Variants in SGCD observed in about 807,000 individuals in gnomAD.
The protein encoded by SGCD is delta-sarcoglycan.
Under a neutral mutation model 36.6 loss-of-function variants are expected in SGCD, and 18 were observed. That is an observed-to-expected ratio of 0.49 (90% CI 0.34 to 0.73). SGCD has a LOEUF of 0.73. Ranked by LOEUF, SGCD falls within the 30% of genes least tolerant of loss-of-function variation. The probability of loss-of-function intolerance (pLI) is 0.01; values close to 1 mark genes in which losing one functional copy is unlikely to be tolerated. For missense variants in SGCD, 387 were observed against 346.7 expected, an observed-to-expected ratio of 1.12 and a Z score of -0.92; for synonymous variants, 133 against 130.6, an observed-to-expected ratio of 1.02 and a Z score of -0.12.
rs149713731 is a variant in SGCD at position 156,530,867 on chromosome 5, C to A, written c.294+22165C>A. Among the ~76,000 whole-genome samples, 676 of 151,488 alleles carry A rather than the reference C, an allele frequency of 4.5e-3. 1 individual carries two copies. The highest frequency in any genetic ancestry group is 0.016 in the African/African-American group (653 of 41,248). On this transcript the variant is annotated intron_variant, in intron 4 of 8. Transcript: ENST00000337851. Reference sequence around the variant, plus strand: ...TGCTGGGATTACAGGCGTGAGCCACCGTGTCTGGCCGCCATGCTTTATTTC... The same window carrying A: ...TGCTGGGATTACAGGCGTGAGCCACAGTGTCTGGCCGCCATGCTTTATTTC...
intron 1 of SGCD, among the ~76,000 whole-genome samples, chr5:155,988,820 G>A (rs1018384734): frequency 3.3e-5 from 5 of 152,178 alleles, no homozygotes; most frequent in Non-Finnish European, 5.9e-5. Context: ...AGACTTAAGT[G>A]AAACAATACA....
At chr5:156,479,805 C>T (rs761599391) in intron 3 of SGCD, among the ~76,000 whole-genome samples, 4 of 152,168 alleles carry the variant, frequency 2.6e-5, no homozygotes, top group Non-Finnish European at 4.4e-5. Context: ...GCATTGTTGA[C>T]ACAAATCACC....
intron 3 of SGCD, among the ~76,000 whole-genome samples, chr5:156,319,521 A>T (rs942291207): frequency 1.3e-5 from 2 of 152,232 alleles, no homozygotes. Context: ...CTCATTGCTT[A>T]AGAAGAAGTA....
intron 3 of SGCD, among the ~76,000 whole-genome samples, chr5:156,152,046 T>C (rs1581132260): frequency 6.6e-6 from 1 of 151,564 alleles, no homozygotes; most frequent in South Asian, 2.1e-4. Context: ...GGCAAGTACA[T>C]GGGAGATACT....
intron 3 of SGCD, among the ~76,000 whole-genome samples, chr5:156,179,350 C>T (rs868585684): frequency 7.2e-5 from 11 of 152,078 alleles, no homozygotes; most frequent in South Asian, 4.2e-4. Flanking sequence ...TCCCATTATA[C>T]GGGTGTACAA....
intron 7 of SGCD, among the ~76,000 whole-genome samples, chr5:156,682,435 GA>G (rs1003317966): frequency 3.9e-5 from 6 of 152,106 alleles, no homozygotes; most frequent in African/African-American, 1.4e-4. Context: ...AAATTATGTG[GA>G]AAAAAACTTT....
At chr5:156,312,398 C>T (rs1767411889) in intron 3 of SGCD, among the ~76,000 whole-genome samples, 1 of 152,192 alleles carries the variant, frequency 6.6e-6, no homozygotes, top group Admixed American at 6.5e-5. Context: ...TAATCCTTAG[C>T]TACCACATAG....
chr5:156,625,354 A>T (rs1762401031), intron 6 of SGCD, among the ~76,000 whole-genome samples: 1 of 152,050 alleles, frequency 6.6e-6, no homozygotes, highest in African/African-American at 2.4e-5. Flanking sequence ...CCAACACATT[A>T]AAAAAAAGTC....
intron 3 of SGCD, among the ~76,000 whole-genome samples, chr5:156,487,365 A>G (rs558871991): frequency 3.9e-5 from 6 of 152,352 alleles, no homozygotes; most frequent in East Asian, 3.9e-4. Context: ...ATCTTTCCCT[A>G]TGGTAGCCAA....
chr5:156,736,688 G>A (rs1366551490), intron 7 of SGCD, among the ~76,000 whole-genome samples: 1 of 152,110 alleles, frequency 6.6e-6, no homozygotes, highest in Non-Finnish European at 1.5e-5. Context: ...ACCTTACTGA[G>A]CCTCATCTGT....
intron 3 of SGCD, among the ~76,000 whole-genome samples, chr5:156,423,434 T>G (rs1463758420): frequency 7.8e-6 from 1 of 128,062 alleles, no homozygotes; most frequent in Non-Finnish European, 1.6e-5. Context: ...TAATAAAATA[T>G]AATATATTTA....
chr5:155,899,124 A>G (rs1756330963), intron 1 of SGCD, among the ~76,000 whole-genome samples: 1 of 152,174 alleles, frequency 6.6e-6, no homozygotes, highest in East Asian at 1.9e-4. Context: ...CACTGAAGAG[A>G]AAGAGGGAGA....
intron 4 of SGCD, among the ~76,000 whole-genome samples, chr5:156,528,160 A>G (rs965491132): frequency 1.3e-5 from 2 of 152,188 alleles, no homozygotes; most frequent in African/African-American, 4.8e-5. Flanking sequence ...AACTTCCTGA[A>G]TTTGAATCTT....
intron 3 of SGCD, among the ~76,000 whole-genome samples, chr5:156,404,387 G>T (rs1002310031): frequency 8.5e-5 from 13 of 152,214 alleles, no homozygotes; most frequent in Non-Finnish European, 1.5e-5. Context: ...AGGGGAGCCA[G>T]AGCAAGGGGT....
intron 3 of SGCD, among the ~76,000 whole-genome samples, chr5:156,149,984 T>A (rs1043694035): frequency 1.3e-5 from 2 of 152,158 alleles, no homozygotes; most frequent in Non-Finnish European, 2.9e-5. Context: ...CCTGCAGCCA[T>A]CCTTGTTCTC....
chr5:156,655,390 A>G (rs920574687), intron 7 of SGCD, among the ~76,000 whole-genome samples: 6 of 152,100 alleles, frequency 3.9e-5, no homozygotes, highest in African/African-American at 1.4e-4. Context: ...TTCTTCCTAG[A>G]AGATGTCAGT....
intron 3 of SGCD, among the ~76,000 whole-genome samples, chr5:156,416,188 A>T (rs188906364): frequency 1.3e-5 from 2 of 152,240 alleles, no homozygotes; most frequent in African/African-American, 4.8e-5. Flanking sequence ...ACTCAGTTGT[A>T]AAAAGGAATA....
the SGCD span, among the ~76,000 whole-genome samples, chr5:155,856,410 T>G: frequency 6.6e-6 from 1 of 152,220 alleles, no homozygotes; most frequent in African/African-American, 2.4e-5. Context: ...TCACATTAAA[T>G]GTAAACTGCC....
At chr5:155,982,156 G>C (rs1758241699) in intron 1 of SGCD, among the ~76,000 whole-genome samples, 1 of 152,090 alleles carries the variant, frequency 6.6e-6, no homozygotes, top group Admixed American at 6.5e-5. Context: ...TGCCTTGAAG[G>C]CGCTATGAGA....
Sources: allele counts gnomAD v4.1 joint callset (sites outside exome capture counted in the v4.1 genomes callset), GRCh38; gene constraint gnomAD v4.1.1; transcripts MANE v1.5; gene names NCBI Gene and HGNC (gene_info 2026-07-23, HGNC 2026-07-21).